The following CDC25A variants were observed in gnomAD, a reference collection of about 807,000 sequenced individuals.
The protein encoded by CDC25A is M-phase inducer phosphatase 1.
CDC25A carries 17 observed loss-of-function variants against 64.6 expected under a neutral mutation model. That is an observed-to-expected ratio of 0.26 (90% CI 0.18 to 0.39). The LOEUF is 0.39. CDC25A is among the 10% of genes least tolerant of loss of function. The probability of loss-of-function intolerance (pLI) is 1.00; values close to 1 mark genes in which losing one functional copy is unlikely to be tolerated. For missense variants in CDC25A, 473 were observed against 654.8 expected (o/e 0.72, Z 3.03); for synonymous variants, 229 against 238.6 (o/e 0.96, Z 0.37).
chr3:48,165,860 G>C lies in CDC25A; in HGVS notation c.1063C>G (p.Gln355Glu), dbSNP rs2106701393. The C allele has an allele frequency of 1.2e-6, 2 of 1,609,018 alleles. No individual in the cohort carries two copies. Among genetic ancestry groups the C allele is most frequent in the Middle Eastern group, 1.7e-4 (1 of 6,060 alleles). ...YLFHTVAGKHQDLKYISPEIM... is the reference protein window; with the variant it reads ...YLFHTVAGKHEDLKYISPEIM... ...TCTGGAGAGATGTATTTTAAATCCT[G>C]ATGTTTCCCAGCAACTGTATGAAAG... is the stretch of plus-strand genomic sequence containing the variant. Residue 355 changes from glutamine to glutamate, a missense_variant, in exon 11 of 15, where the codon CAG (glutamine) becomes GAG (glutamate). By Grantham distance (29) the Gln-to-Glu change is conservative (BLOSUM62 2). Transcript: ENST00000302506.
chr3:48,180,883 C>T (rs1416918464), intron 5 of CDC25A, 43 bp from the exon 6 acceptor site: 1 of 1,606,876 alleles, frequency 6.2e-7, no homozygotes, highest in Non-Finnish European at 8.5e-7. Flanking sequence ...TGAAAACCAA[C>T]TCAGGCCTCA....
chr3:48,176,531 GTATATATATATA>G (rs55938075), intron 8 of CDC25A, among the ~76,000 whole-genome samples: 4 of 138,122 alleles, frequency 2.9e-5, no homozygotes, highest in Non-Finnish European at 4.7e-5. Context: ...GTGTGTGTGA[GTATATATATATA>G]TATATATATA....
At position 48,188,036 on chromosome 3, in the gene CDC25A, G is replaced by A; in HGVS notation, c.-89C>T. 4 of 1,082,690 alleles carry A rather than the reference G, an allele frequency of 3.7e-6. No homozygotes were observed. Among genetic ancestry groups the A allele is most frequent in the South Asian group, 3.4e-5 (1 of 29,748 alleles). The allele number at this position is 1,082,690 out of a possible 1,614,324, so 67.1% of individuals were successfully genotyped here. On this transcript the variant is annotated 5_prime_UTR_variant, in exon 1 of 15. Coordinates refer to ENST00000302506, the MANE Select transcript of CDC25A (RefSeq NM_001789.3). ...CCCCGCCGACACCGGCCTCGGCCGC[G>A]CGCCACCGGCGCCCGCGGGTCAAAC... is the stretch of plus-strand genomic sequence containing the variant.
intron 5 of CDC25A, 48 bp from the exon 6 acceptor site, chr3:48,180,888 G>T: frequency 6.2e-7 from 1 of 1,603,044 alleles, no homozygotes; most frequent in Non-Finnish European, 8.5e-7. Context: ...ACCAACTCAG[G>T]CCTCAGCTTG....
intron 9 of CDC25A, among the ~76,000 whole-genome samples, chr3:48,173,512 G>T (rs777535028): frequency 6.6e-6 from 1 of 152,202 alleles, no homozygotes; most frequent in South Asian, 2.1e-4. Context: ...TGAGGCAGAA[G>T]ACTTTTAGAC....
intron 6 of CDC25A, among the ~76,000 whole-genome samples, chr3:48,179,857 T>C (rs1315227389): frequency 6.6e-6 from 1 of 152,124 alleles, no homozygotes; most frequent in Non-Finnish European, 1.5e-5. Flanking sequence ...ACAAAGCAGA[T>C]TGGAAAGGTA....
intron 8 of CDC25A, among the ~76,000 whole-genome samples, chr3:48,176,130 T>C (rs1387738257): frequency 1.3e-5 from 2 of 152,118 alleles, no homozygotes; most frequent in African/African-American, 4.8e-5. Flanking sequence ...ACTACACCAC[T>C]GCACTGCACC....
chr3:48,173,618 C>G (rs1002215575), intron 9 of CDC25A, among the ~76,000 whole-genome samples: 1 of 152,222 alleles, frequency 6.6e-6, no homozygotes, highest in African/African-American at 2.4e-5. Flanking sequence ...CCCCAGTCAC[C>G]ACCCCACGGG....
At chr3:48,163,684 G>A (rs750242038) in intron 13 of CDC25A, among the ~76,000 whole-genome samples, 8 of 152,140 alleles carry the variant, frequency 5.3e-5, no homozygotes, top group African/African-American at 9.7e-5. Flanking sequence ...GCATAAGAAC[G>A]TGGTCCTGCA....
intron 14 of CDC25A, 96 bp downstream of exon 14, chr3:48,159,248 C>T (rs148622727): frequency 2.6e-4 from 330 of 1,278,170 alleles, no homozygotes; most frequent in Non-Finnish European, 3.5e-4. Flanking sequence ...CCTTGTCCCC[C>T]GACCCCTGGA....
chr3:48,170,930 T>C (rs1451020670), intron 9 of CDC25A, among the ~76,000 whole-genome samples: 2 of 152,106 alleles, frequency 1.3e-5, no homozygotes, highest in Non-Finnish European at 2.9e-5. Flanking sequence ...CAATGGAATT[T>C]AAAATACTAA....
At chr3:48,167,196 T>C (rs1382924452) in intron 10 of CDC25A, among the ~76,000 whole-genome samples, 3 of 152,238 alleles carry the variant, frequency 2.0e-5, no homozygotes, top group Non-Finnish European at 4.4e-5. Context: ...AGGAACTGTA[T>C]CTCATTTTGG....
intron 9 of CDC25A, 140 bp downstream of exon 9, chr3:48,174,144 C>A (rs1029078013): frequency 4.2e-6 from 3 of 718,776 alleles, no homozygotes; most frequent in Admixed American, 3.1e-5. Flanking sequence ...AAGAAACACA[C>A]ACACACCCAC....
intron 2 of CDC25A, among the ~76,000 whole-genome samples, chr3:48,186,402 C>G (rs2032845269): frequency 6.6e-6 from 1 of 152,088 alleles, no homozygotes; most frequent in Non-Finnish European, 1.5e-5. Flanking sequence ...AACCCTGTCT[C>G]TACTAAAAAA....
At chr3:48,171,742 T>C (rs2032278251) in intron 9 of CDC25A, among the ~76,000 whole-genome samples, 2 of 152,214 alleles carry the variant, frequency 1.3e-5, no homozygotes, top group Non-Finnish European at 1.5e-5. Context: ...TTCACAAATG[T>C]TCTTGCCCTT....
At chr3:48,164,560 A>G (rs111411968) in intron 12 of CDC25A, 123 bp from the exon 13 acceptor site, 6 of 944,778 alleles carry the variant, frequency 6.4e-6, no homozygotes, top group Non-Finnish European at 8.9e-6. Context: ...TGATTTTTGC[A>G]GTTCTTCTAG....
chr3:48,160,202 T>C (rs1413350081), intron 13 of CDC25A, among the ~76,000 whole-genome samples: 1 of 152,008 alleles, frequency 6.6e-6, no homozygotes, highest in East Asian at 1.9e-4. Flanking sequence ...AATCTCCGTC[T>C]CCCGGGTTCA....
chr3:48,180,524 T>C (rs1343834251), intron 6 of CDC25A, 197 bp downstream of exon 6: 18 of 504,802 alleles, frequency 3.6e-5, no homozygotes, highest in Admixed American at 1.3e-4. Context: ...TCAAACACCA[T>C]CTCCCACTCT....
chr3:48,174,073 CA>C (rs1444250004), intron 9 of CDC25A, among the ~76,000 whole-genome samples: 2 of 152,156 alleles, frequency 1.3e-5, no homozygotes, highest in Non-Finnish European at 2.9e-5. Flanking sequence ...GCAGGAGGAT[CA>C]CTTGAGGCTA....
Sources: gnomAD v4.1 joint callset for allele counts (sites outside exome capture counted in the v4.1 genomes callset) on GRCh38, gnomAD v4.1.1 for gene constraint, MANE v1.5 for transcripts, NCBI Gene and HGNC (gene_info 2026-07-23, HGNC 2026-07-21) for gene names.